Variants in TNIK observed in about 807,000 individuals in gnomAD.
TNIK encodes TRAF2 and NCK interacting kinase.
A neutral mutation model predicts 191.3 loss-of-function variants in TNIK; 49 were observed. The observed-to-expected ratio is 0.26, with a 90% CI of 0.20 to 0.32. The LOEUF is 0.32. Ranked by LOEUF, TNIK falls within the 10% of genes least tolerant of loss-of-function variation. The probability of loss-of-function intolerance (pLI) is 1.00; values close to 1 mark genes in which losing one functional copy is unlikely to be tolerated. For synonymous variants in TNIK, 594 were observed against 600.9 expected (o/e 0.99, Z 0.17); for missense variants, 1,155 against 1,702.3 (o/e 0.68, Z 5.66).
Position 171,157,520 on chromosome 3 carries a change from C to A in TNIK, c.1161G>T (p.Leu387=). The A allele has an allele frequency of 6.4e-7, 1 of 1,573,478 alleles. No individual in the cohort carries two copies. The highest frequency in any genetic ancestry group is 2.4e-5 in the East Asian group (1 of 42,412). ...QRENEEHKRQ[L]LAERQKRIEE... ...CGATGCGCTTCTGACGCTCGGCCAG[C>A]AGCTGCCGCTTGTGCTCCTCATTCT... The change falls in exon 12 of 33, where the codon CTG becomes CTT. Residue 387 remains leucine, a synonymous_variant. Coordinates refer to ENST00000436636, the MANE Select transcript of TNIK (RefSeq NM_015028.4).
chr3:171,408,578 C>T (rs1474938618), intron 1 of TNIK, among the ~76,000 whole-genome samples: 10 of 152,206 alleles, frequency 6.6e-5, no homozygotes. Flanking sequence ...CATTGACTGC[C>T]TCGGCCATGT....
intron 7 of TNIK, among the ~76,000 whole-genome samples, chr3:171,187,365 A>ATTACAGTGACTAAC (rs1295176520): frequency 2.6e-5 from 4 of 152,218 alleles, no homozygotes; most frequent in African/African-American, 9.7e-5. Context: ...TTGTCAGGTT[A>ATTACAGTGACTAAC]TTACAGTGAC....
At position 171,138,266 on chromosome 3, in the gene TNIK, C is replaced by T. The variant is rs61740073; in HGVS notation, c.1533G>A (p.Arg511=). Residue 511 remains arginine (R), a synonymous_variant, in exon 15 of 33, where the codon AGG becomes AGA. Transcript: ENST00000436636. ...VSLQHQRQEQ[R]PVEKKPLYHY... The stretch of plus-strand genomic sequence containing the variant: ...GGTACAGTGGCTTCTTCTCCACAGG[C>T]CTCTGCTCCTGCCGCTGATGCTGAA... The T allele has an allele frequency of 1.5e-3, 2,439 of 1,613,564 alleles. 4 individuals are homozygous for T. Among genetic ancestry groups the T allele is most frequent in the Non-Finnish European group, 1.9e-3 (2,273 of 1,179,840 alleles).
Position 171,071,293 on chromosome 3 carries a change from A to G in TNIK, c.3479T>C (p.Ile1160Thr), listed in dbSNP as rs11915374. 9 of 1,600,312 alleles carry G rather than the reference A, an allele frequency of 5.6e-6. No individual in the cohort carries two copies. The highest frequency in any genetic ancestry group is 5.1e-6 in the Non-Finnish European group (6 of 1,173,536). ...VKYERIKFLV[I>T]ALKNAVEIYA... is the part of the protein sequence containing the mutation. ...TATTTCCACAGCATTCTTTAAGGCAATCACCAAAAATTTGATCCTTTCATA... is the reference window on the plus strand; with the variant it reads ...TATTTCCACAGCATTCTTTAAGGCAGTCACCAAAAATTTGATCCTTTCATA... Residue 1160 changes from isoleucine (I) to threonine (T), a missense_variant, in exon 29 of 33, where the codon ATT (isoleucine) becomes ACT (threonine). Ile to Thr is a moderately conservative substitution (Grantham distance 89). Coordinates refer to ENST00000436636, the MANE Select transcript of TNIK (RefSeq NM_015028.4).
chr3:171,433,349 T>G (rs1347622209), intron 1 of TNIK, among the ~76,000 whole-genome samples: 1 of 152,100 alleles, frequency 6.6e-6, no homozygotes, highest in East Asian at 1.9e-4. Context: ...TGCTTTCAAG[T>G]GATACAGCAA....
intron 1 of TNIK, among the ~76,000 whole-genome samples, chr3:171,444,364 C>T (rs548100921): frequency 3.3e-5 from 5 of 152,152 alleles, no homozygotes; most frequent in Non-Finnish European, 5.9e-5. Context: ...AAATAAATAA[C>T]TCGAAGATTT....
intron 2 of TNIK, among the ~76,000 whole-genome samples, chr3:171,311,637 C>T (rs1180432823): frequency 6.6e-6 from 1 of 152,250 alleles, no homozygotes; most frequent in South Asian, 2.1e-4. Flanking sequence ...GTATTGAGAA[C>T]CTTCCCCCAG....
At chr3:171,287,881 C>T (rs139335103) in intron 2 of TNIK, among the ~76,000 whole-genome samples, 17 of 152,026 alleles carry the variant, frequency 1.1e-4, no homozygotes, top group South Asian at 4.2e-4. Context: ...ATGTTTATTG[C>T]GGCATTATTC....
chr3:171,127,941 T>A (rs1225012891), intron 16 of TNIK, among the ~76,000 whole-genome samples: 1 of 152,224 alleles, frequency 6.6e-6, no homozygotes, highest in African/African-American at 2.4e-5. Flanking sequence ...CTACATTATT[T>A]TTCATGGAAT....
intron 1 of TNIK, among the ~76,000 whole-genome samples, chr3:171,437,796 G>C (rs2108679367): frequency 6.6e-6 from 1 of 152,310 alleles, no homozygotes; most frequent in African/African-American, 2.4e-5. Context: ...AATCTTTCTT[G>C]CTCACATGCT....
chr3:171,189,819 C>T (rs1375299248), intron 6 of TNIK, among the ~76,000 whole-genome samples: 1 of 152,044 alleles, frequency 6.6e-6, no homozygotes, highest in African/African-American at 2.4e-5. Flanking sequence ...ACATATATAA[C>T]TGCTTAGCCT....
chr3:171,353,853 A>G (rs1458175892), intron 2 of TNIK, among the ~76,000 whole-genome samples: 2 of 152,220 alleles, frequency 1.3e-5, no homozygotes, highest in Non-Finnish European at 2.9e-5. Context: ...TCTTAGTAAT[A>G]GTAGGCAGTA....
intron 7 of TNIK, among the ~76,000 whole-genome samples, chr3:171,182,174 T>G (rs1341305376): frequency 1.6e-5 from 2 of 123,394 alleles, no homozygotes; most frequent in African/African-American, 7.4e-5. Context: ...AGGATTTTTT[T>G]TTTTTTTTTT....
At chr3:171,215,727 AGAAG>A (rs149498918) in intron 3 of TNIK, among the ~76,000 whole-genome samples, 6,296 of 152,316 alleles carry the variant, frequency 0.041, 423 homozygotes, top group African/African-American at 0.14. Flanking sequence ...CAAGGAATAA[AGAAG>A]GGATTTTAAG....
chr3:171,093,408 TATC>T (rs1344424923), intron 23 of TNIK, among the ~76,000 whole-genome samples: 3 of 152,236 alleles, frequency 2.0e-5, no homozygotes, highest in Non-Finnish European at 4.4e-5. Flanking sequence ...GATAAGATGA[TATC>T]ATCATTTCTT....
At chr3:171,404,456 A>T (rs915409273) in intron 1 of TNIK, among the ~76,000 whole-genome samples, 14 of 152,130 alleles carry the variant, frequency 9.2e-5, no homozygotes, top group African/African-American at 3.4e-4. Flanking sequence ...TAACACATTC[A>T]TTAAGAAATC....
chr3:171,368,920 C>G (rs1376591595), intron 2 of TNIK, among the ~76,000 whole-genome samples: 1 of 138,170 alleles, frequency 7.2e-6, no homozygotes, highest in African/African-American at 2.7e-5. Context: ...AGTCCAAAAA[C>G]AGTTCACTTT....
chr3:171,109,908 A>T (rs1047115688), intron 19 of TNIK, among the ~76,000 whole-genome samples: 1 of 151,284 alleles, frequency 6.6e-6, no homozygotes, highest in African/African-American at 2.4e-5. Flanking sequence ...AGGAGTCAAC[A>T]ATTTTTTTTT....
At chr3:171,139,378 GCACACACACACACACACACACACA>G (rs34521732) in intron 14 of TNIK, 68 bp downstream of exon 14, 3 of 691,720 alleles carry the variant, frequency 4.3e-6, no homozygotes, top group Non-Finnish European at 7.5e-6. Context: ...ACGCACGCGC[GCACACACACACACACACACACACA>G]CACACACACA....
Sources: gnomAD v4.1 joint callset for allele counts (sites outside exome capture counted in the v4.1 genomes callset) on GRCh38, gnomAD v4.1.1 for gene constraint, MANE v1.5 for transcripts, NCBI Gene and HGNC (gene_info 2026-07-23, HGNC 2026-07-21) for gene names.